SOD2: variants seen among roughly 807,000 people sequenced by gnomAD.
SOD2 encodes the protein superoxide dismutase 2.
Under a neutral mutation model 27.0 loss-of-function variants are expected in SOD2, and 11 were observed. That is an observed-to-expected ratio of 0.41 (90% CI 0.26 to 0.67). The LOEUF (loss-of-function observed/expected upper bound fraction) is 0.67. Among genes scored for constraint, SOD2 ranks in the 30% least tolerant of loss-of-function variants. The pLI is 0.34. For synonymous variants in SOD2, 105 were observed against 103.0 expected (o/e 1.02, Z -0.12); for missense variants, 250 against 274.5 (o/e 0.91, Z 0.63).
At chr6:159,755,620 C>T (rs759468006) in intron 1 of SOD2, 1 of 1,579,040 alleles carries the variant, frequency 6.3e-7, no homozygotes, top group Non-Finnish European at 8.6e-7. Flanking sequence ...AATATTTTTT[C>T]AGCAAATTTT....
At chr6:159,717,897 ATGTGTGTGTGTG>A (rs66742481) in intron 1 of SOD2, among the ~76,000 whole-genome samples, 148 of 149,588 alleles carry the variant, frequency 9.9e-4, no homozygotes, top group African/African-American at 2.6e-3. Context: ...ATGTATGGAT[ATGTGTGTGTGTG>A]TGTGTGTGTG....
At chr6:159,693,333 C>CCG (rs1777335399), upstream of SOD2, 1 of 319,426 alleles carries the variant, frequency 3.1e-6, no homozygotes, top group African/African-American at 2.3e-5. Context: ...GCCCCGCCCC[C>CCG]CCCCCCCGCG....
At chr6:159,741,363 C>G in intron 1 of SOD2, among the ~76,000 whole-genome samples, 1 of 152,156 alleles carries the variant, frequency 6.6e-6, no homozygotes. Context: ...TGTTTACAGG[C>G]AGAAATTGAT....
intron 1 of SOD2, chr6:159,755,203 A>G (rs778635883): frequency 6.2e-6 from 10 of 1,614,206 alleles, no homozygotes; most frequent in South Asian, 1.1e-5. Context: ...AACCTGTAGA[A>G]CAGTCAGAGG....
upstream of SOD2, among the ~76,000 whole-genome samples, chr6:159,727,986 C>T (rs1778315290): frequency 6.6e-6 from 1 of 152,268 alleles, no homozygotes; most frequent in African/African-American, 2.4e-5. Context: ...GGAGGATGCC[C>T]TCCCCGGGCT....
intron 1 of SOD2, among the ~76,000 whole-genome samples, chr6:159,740,299 T>G (rs1779175904): frequency 6.6e-6 from 1 of 152,222 alleles, no homozygotes; most frequent in South Asian, 2.1e-4. Flanking sequence ...ATGTTTTATT[T>G]TAAGATACCT....
chr6:159,758,737 C>T (rs1334503640), intron 1 of SOD2, among the ~76,000 whole-genome samples: 1 of 152,176 alleles, frequency 6.6e-6, no homozygotes, highest in African/African-American at 2.4e-5. Context: ...CATCCTATGG[C>T]AATTCCACTT....
chr6:159,728,048 C>G (rs372957164), upstream of SOD2, among the ~76,000 whole-genome samples: 2 of 152,194 alleles, frequency 1.3e-5, no homozygotes. Context: ...CTTCACCTCC[C>G]TTGGGCCTCT....
chr6:159,730,338 GT>G (rs1369809046), upstream of SOD2, among the ~76,000 whole-genome samples: 3 of 152,110 alleles, frequency 2.0e-5, no homozygotes, highest in East Asian at 5.8e-4. Flanking sequence ...TGGTCATTCT[GT>G]TTTTCTGATA....
At chr6:159,736,239 C>G in intron 1 of SOD2, 1 of 1,587,900 alleles carries the variant, frequency 6.3e-7, no homozygotes. Context: ...AACTTGTTTT[C>G]CGCAACTTTT....
At chr6:159,732,889 G>A (rs1341461829) in intron 1 of SOD2, among the ~76,000 whole-genome samples, 1 of 41,054 alleles carries the variant, frequency 2.4e-5, no homozygotes, top group African/African-American at 5.4e-5. Flanking sequence ...TATATATAGT[G>A]TGTGTGTGTG....
At chr6:159,724,781 A>T (rs1048022661) in intron 1 of SOD2, among the ~76,000 whole-genome samples, 2 of 151,510 alleles carry the variant, frequency 1.3e-5, no homozygotes, top group Non-Finnish European at 2.9e-5. Context: ...GAGCCCAGGA[A>T]GTCAAGGCTG....
chr6:159,717,844 A>C (rs2475565), intron 1 of SOD2, among the ~76,000 whole-genome samples: 61,331 of 151,580 alleles, frequency 0.4, 13,722 homozygotes, highest in Admixed American at 0.52. Flanking sequence ...TATTTCACTT[A>C]ATATAATGTC....
At position 159,692,361 on chromosome 6, in the gene SOD2, A is replaced by G. The variant is rs1309704368; in HGVS notation, c.226+300T>C. ...CAGTAGAGCTTTCTTTTCAGGCCCTACAATTCACCAGTGCTGGCAATATGT... is the reference window on the plus strand; with the variant it reads ...CAGTAGAGCTTTCTTTTCAGGCCCTGCAATTCACCAGTGCTGGCAATATGT... On this transcript the variant is annotated intron_variant, in intron 2 of 4. Transcript: ENST00000538183. 8.8e-6 allele frequency: 11 copies of G among 1,252,998 alleles called. No individual in the cohort carries two copies. The East Asian group carries it at 2.5e-4, about 28-fold the overall frequency. 77.6% of individuals were successfully genotyped at this position (1,252,998 alleles called of 1,614,324 possible). A position where few individuals can be genotyped will look rare whatever the true frequency, so the allele number is the denominator to read the frequency against.
intron 1 of SOD2, among the ~76,000 whole-genome samples, chr6:159,714,944 AAC>A (rs1416082005): frequency 6.6e-6 from 1 of 151,978 alleles, no homozygotes; most frequent in Non-Finnish European, 1.5e-5. Context: ...GCAAAAATGA[AAC>A]ACAGGGAGTC....
At chr6:159,742,318 GTC>G (rs1459533518) in intron 1 of SOD2, among the ~76,000 whole-genome samples, 1 of 152,194 alleles carries the variant, frequency 6.6e-6, no homozygotes, top group Non-Finnish European at 1.5e-5. Context: ...ATGAGACACA[GTC>G]TCAGTCATTG....
At chr6:159,744,044 A>G (rs185299820) in intron 1 of SOD2, among the ~76,000 whole-genome samples, 113 of 152,300 alleles carry the variant, frequency 7.4e-4, no homozygotes, top group Admixed American at 3.3e-3. Context: ...TAGTTCATCA[A>G]TTCCAGACAT....
At chr6:159,708,131 A>T (rs1021875597) in intron 1 of SOD2, among the ~76,000 whole-genome samples, 1 of 152,194 alleles carries the variant, frequency 6.6e-6, no homozygotes, top group Non-Finnish European at 1.5e-5. Flanking sequence ...AAATAATAAG[A>T]GCTATTTATG....
intron 1 of SOD2, among the ~76,000 whole-genome samples, chr6:159,700,678 A>G (rs575180313): frequency 6.6e-6 from 1 of 151,346 alleles, no homozygotes; most frequent in Non-Finnish European, 1.5e-5. Flanking sequence ...AAATCAATGC[A>G]TTGTTAACAT....
Sources: gnomAD v4.1 joint callset for allele counts (sites outside exome capture counted in the v4.1 genomes callset) on GRCh38, gnomAD v4.1.1 for gene constraint, MANE v1.5 for transcripts, NCBI Gene and HGNC (gene_info 2026-07-23, HGNC 2026-07-21) for gene names.